The following MTMR12 variants were observed in gnomAD, a reference collection of about 807,000 sequenced individuals.
MTMR12 encodes myotubularin-related protein 12.
A neutral mutation model predicts 96.7 loss-of-function variants in MTMR12; 33 were observed. That is an observed-to-expected ratio of 0.34 (90% CI 0.26 to 0.46). MTMR12 has a LOEUF of 0.46. MTMR12 is among the 20% of genes least tolerant of loss of function. The pLI is 1.00. For missense variants in MTMR12, 721 were observed against 896.1 expected (o/e 0.80, Z 2.49); for synonymous variants, 298 against 327.2 (o/e 0.91, Z 0.96).
intron 3 of MTMR12, among the ~76,000 whole-genome samples, chr5:32,273,672 C>A (rs558413071): frequency 6.6e-6 from 1 of 151,784 alleles, no homozygotes; most frequent in South Asian, 2.1e-4. Flanking sequence ...AGACCCTGAA[C>A]GACAGAGAGC....
intron 6 of MTMR12, among the ~76,000 whole-genome samples, chr5:32,263,745 T>C (rs1749473311): frequency 6.6e-6 from 1 of 152,070 alleles, no homozygotes; most frequent in African/African-American, 2.4e-5. Context: ...GCCAGCTGTC[T>C]TTTTACATTG....
At chr5:32,285,095 C>T (rs1471994974) in intron 1 of MTMR12, among the ~76,000 whole-genome samples, 4 of 152,096 alleles carry the variant, frequency 2.6e-5, no homozygotes, top group African/African-American at 9.7e-5. Context: ...CAGTGGCTCA[C>T]GCCTGTAATC....
chr5:32,251,463 C>T (rs1748921137), intron 8 of MTMR12, among the ~76,000 whole-genome samples: 1 of 152,152 alleles, frequency 6.6e-6, no homozygotes, highest in African/African-American at 2.4e-5. Flanking sequence ...AAGACAATGT[C>T]ATCAGAGTCA....
Position 32,227,759 on chromosome 5 carries a change from T to C in MTMR12, c.*2019A>G, listed in dbSNP as rs964218625. On this transcript the variant is annotated 3_prime_UTR_variant, in exon 16 of 16. Transcript: ENST00000382142. The stretch of plus-strand genomic sequence containing the variant: ...TGAAGGTAGCTAAGGAACTAGTTAG[T>C]GTATTTTAAAATCCCTATTGCAAGC... 3.3e-5 allele frequency: 5 copies of C among 152,672 alleles called. No individual in the cohort carries two copies. Among genetic ancestry groups the C allele is most frequent in the Non-Finnish European group, 7.3e-5 (5 of 68,042 alleles). The allele number at this position is 152,672 out of a possible 1,614,324, so 9.5% of individuals were successfully genotyped here. A position where few individuals can be genotyped will look rare whatever the true frequency, so the allele number is the denominator to read the frequency against.
Position 32,270,955 on chromosome 5 carries a change from T to A in MTMR12, c.359-8A>T. The A allele has an allele frequency of 1.0e-5, 16 of 1,604,266 alleles. No individual in the cohort carries two copies. The highest frequency in any genetic ancestry group is 1.4e-5 in the Non-Finnish European group (16 of 1,176,794). The stretch of plus-strand genomic sequence containing the variant: ...TCTTTTTCTCATCAAACACTACAGA[T>A]CAGCAATGAAATCAGGAAGGGAAAT... On this transcript the variant is annotated splice_polypyrimidine_tract_variant and splice_region_variant and intron_variant, in intron 4 of 15. Transcript: ENST00000382142.
intron 8 of MTMR12, among the ~76,000 whole-genome samples, chr5:32,253,812 T>TG (rs1267560163): frequency 1.3e-5 from 2 of 152,212 alleles, no homozygotes; most frequent in Non-Finnish European, 2.9e-5. Flanking sequence ...TTTGTAGAGA[T>TG]GGAGTCTCGC....
chr5:32,276,638 G>A (rs769917662), intron 2 of MTMR12, 44 bp downstream of exon 2: 3 of 1,507,196 alleles, frequency 2.0e-6, no homozygotes, highest in African/African-American at 2.8e-5. Context: ...ATTTATCATT[G>A]GCTTTGCCTT....
chr5:32,275,472 A>C (rs1017843984), intron 2 of MTMR12, among the ~76,000 whole-genome samples: 1 of 152,178 alleles, frequency 6.6e-6, no homozygotes, highest in African/African-American at 2.4e-5. Context: ...TCCCATGCTC[A>C]TGTACTAGCG....
intron 8 of MTMR12, 117 bp downstream of exon 8, chr5:32,255,576 T>C: frequency 1.1e-6 from 1 of 933,770 alleles, no homozygotes; most frequent in South Asian, 1.8e-5. Flanking sequence ...TATTTCTGGA[T>C]TGTTCTTGGA....
At chr5:32,238,281 T>A (rs1442768761) in intron 13 of MTMR12, among the ~76,000 whole-genome samples, 2 of 152,130 alleles carry the variant, frequency 1.3e-5, no homozygotes, top group African/African-American at 2.4e-5. Context: ...CATGGCTCAC[T>A]GCAGCTTTGA....
intron 5 of MTMR12, among the ~76,000 whole-genome samples, chr5:32,269,525 G>A (rs28430326): frequency 1.3e-5 from 2 of 152,118 alleles, no homozygotes; most frequent in African/African-American, 2.4e-5. Context: ...GGCTGGTCTC[G>A]AACTCCTGAC....
chr5:32,232,546 G>A (rs888830797), intron 15 of MTMR12, among the ~76,000 whole-genome samples: 7 of 152,196 alleles, frequency 4.6e-5, no homozygotes, highest in African/African-American at 1.4e-4. Flanking sequence ...CGTTGTCCTC[G>A]CTGTCTCTGA....
Position 32,255,725 on chromosome 5 carries a change from T to G in MTMR12, c.757A>C (p.Asn253His). Residue 253 changes from asparagine to histidine, a missense_variant, in exon 8 of 16, where the codon AAT becomes CAT. Coordinates refer to ENST00000382142, the MANE Select transcript of MTMR12 (RefSeq NM_001040446.3). ...FVVPTPLPEENVQRFQGHGIP... is the reference protein window; with the variant it reads ...FVVPTPLPEEHVQRFQGHGIP... ...CCATGACCCTGAAAGCGCTGCACAT[T>G]CTCTTCAGGAAGAGGGGTGGGGACA... 5.6e-6 allele frequency: 9 copies of G among 1,612,978 alleles called. No homozygotes were observed. Among genetic ancestry groups the G allele is most frequent in the Non-Finnish European group, 7.6e-6 (9 of 1,179,648 alleles).
chr5:32,289,508 A>G (rs923313552), intron 1 of MTMR12, among the ~76,000 whole-genome samples: 11 of 152,198 alleles, frequency 7.2e-5, no homozygotes, highest in African/African-American at 2.4e-4. Flanking sequence ...GTAAGTGTGC[A>G]CTGGGGAAAG....
At position 32,229,105 on chromosome 5, in the gene MTMR12, G is replaced by C. The variant is rs1044606177; in HGVS notation, c.*673C>G. 6.6e-6 allele frequency: 1 copy of C among 152,482 alleles called. No individual in the cohort carries two copies. The highest frequency in any genetic ancestry group is 1.5e-5 in the Non-Finnish European group (1 of 68,284). The allele number at this position is 152,482 out of a possible 1,614,324, so 9.4% of individuals were successfully genotyped here. ...GTGGAGCAGGCGGAGGAAGACCTGG[G>C]GCTGGCAGCACAGAAAAGAGGGTGG... On this transcript the variant is annotated 3_prime_UTR_variant, in exon 16 of 16. Transcript: ENST00000382142.
At chr5:32,254,648 G>A (rs1749070249) in intron 8 of MTMR12, among the ~76,000 whole-genome samples, 1 of 151,726 alleles carries the variant, frequency 6.6e-6, no homozygotes, top group Non-Finnish European at 1.5e-5. Flanking sequence ...TTTGAGACCA[G>A]CCTGGTCAAC....
In MTMR12 at chr5:32,258,309, C is replaced by G. The variant is rs1030969992; in HGVS notation, c.714-2541G>C. Among the ~76,000 whole-genome samples, 4 of 152,196 alleles carry G rather than the reference C, an allele frequency of 2.6e-5. No individual in the cohort carries two copies. In the East Asian group the frequency reaches 7.7e-4, roughly 29 times the overall value. On this transcript the variant is annotated intron_variant, in intron 7 of 15. Coordinates refer to ENST00000382142, the MANE Select transcript of MTMR12 (RefSeq NM_001040446.3). The stretch of plus-strand genomic sequence containing the variant: ...GTACTTGAAATATTTTCTTATAAGT[C>G]TGACTGAATGGGTGACTGGTAAGGC...
chr5:32,276,664 T>C lies in MTMR12; in HGVS notation c.142+18A>G, dbSNP rs1326094684. On this transcript the variant is annotated intron_variant, in intron 2 of 15. Coordinates refer to ENST00000382142, the MANE Select transcript of MTMR12 (RefSeq NM_001040446.3). Reference sequence around the variant, plus strand: ...GCTTTGCCTTGCATAGGAGTTACTATGCTAACATGACAGTTACCTGGCAAC... The same window carrying C: ...GCTTTGCCTTGCATAGGAGTTACTACGCTAACATGACAGTTACCTGGCAAC... The C allele has an allele frequency of 1.9e-6, 3 of 1,608,064 alleles. No individual in the cohort carries two copies. Among genetic ancestry groups the C allele is most frequent in the Admixed American group, 3.3e-5 (2 of 59,964 alleles).
intron 10 of MTMR12, among the ~76,000 whole-genome samples, chr5:32,245,279 GC>G (rs1748636174): frequency 6.6e-6 from 1 of 152,088 alleles, no homozygotes; most frequent in African/African-American, 2.4e-5. Flanking sequence ...CTGGTGATCC[GC>G]CCACCTCGGC....
Sources: allele counts gnomAD v4.1 joint callset (sites outside exome capture counted in the v4.1 genomes callset), GRCh38; gene constraint gnomAD v4.1.1; transcripts MANE v1.5; gene names NCBI Gene and HGNC (gene_info 2026-07-23, HGNC 2026-07-21).